PGM5: variants seen among roughly 807,000 people sequenced by gnomAD.
PGM5 encodes the protein phosphoglucomutase 5, also known as phosphoglucomutase-like protein 5.
PGM5 carries 23 observed loss-of-function variants against 59.2 expected under a neutral mutation model. The observed-to-expected ratio is 0.39, with a 90% CI of 0.28 to 0.55. PGM5 has a LOEUF of 0.55. PGM5 is among the 20% of genes least tolerant of loss of function. The pLI, the probability that PGM5 is intolerant of heterozygous loss-of-function variation, is 0.66. For missense variants in PGM5, 574 were observed against 748.3 expected, an observed-to-expected ratio of 0.77 and a Z score of 2.72; for synonymous variants, 214 against 286.0, an observed-to-expected ratio of 0.75 and a Z score of 2.54.
Position 68,404,370 on chromosome 9 carries a change from C to G in PGM5, c.1043+11897C>G, listed in dbSNP as rs567872146. On this transcript the variant is annotated intron_variant, in intron 6 of 10. Transcript: ENST00000396396. ...TTTTTAACTCCTGGCCTCAAGTGAT[C>G]CACCCACCTTGGCTTCCCAAAGTGC... Among the ~76,000 whole-genome samples, 45 of 152,288 alleles carry G rather than the reference C, an allele frequency of 3.0e-4. 1 individual carries two copies. Among genetic ancestry groups the G allele is most frequent in the African/African-American group, 1.1e-3 (44 of 41,560 alleles).
rs142219409 is a variant in PGM5, at chr9:68,469,635, G to A, written c.1159+4427G>A. ...TCTTTCCAGTCTTTTGAGGTTTGCTGGATGCTTCCATGCATGGATTCCATG... is the reference window on the plus strand; with the variant it reads ...TCTTTCCAGTCTTTTGAGGTTTGCTAGATGCTTCCATGCATGGATTCCATG... On this transcript the variant is annotated intron_variant, in intron 7 of 10. Transcript: ENST00000396396. Among the ~76,000 whole-genome samples the A allele has an allele frequency of 2.0e-3, 299 of 152,288 alleles. No individual in the cohort carries two copies. The Middle Eastern group carries it at 0.02, about 10-fold the overall frequency.
chr9:68,422,167 T>G (rs1823141702), intron 6 of PGM5, among the ~76,000 whole-genome samples: 1 of 152,066 alleles, frequency 6.6e-6, no homozygotes, highest in Non-Finnish European at 1.5e-5. Context: ...ATAGACCAAG[T>G]AGCCAAGTAG....
At chr9:68,496,755 C>T (rs782260359) in intron 9 of PGM5, 1 of 152,130 alleles carries the variant, frequency 6.6e-6, no homozygotes, top group Admixed American at 6.5e-5. Context: ...TTTGTTATGA[C>T]CTGAATTCTT....
At chr9:68,510,740 G>T (rs960273268) in intron 10 of PGM5, among the ~76,000 whole-genome samples, 2 of 152,122 alleles carry the variant, frequency 1.3e-5, no homozygotes, top group East Asian at 3.9e-4. Flanking sequence ...CAAGGTGGTT[G>T]GGTTACACTT....
intron 6 of PGM5, among the ~76,000 whole-genome samples, chr9:68,409,797 G>A (rs1426270462): frequency 1.4e-5 from 2 of 142,322 alleles, no homozygotes; most frequent in Non-Finnish European, 3.1e-5. Context: ...AGTGGGTGCA[G>A]CCCACCAGCA....
chr9:68,501,620 G>A (rs532253282), intron 10 of PGM5, among the ~76,000 whole-genome samples: 1 of 152,320 alleles, frequency 6.6e-6, no homozygotes, highest in African/African-American at 2.4e-5. Context: ...ACCTGCTTGT[G>A]TTGCTTTCTC....
At chr9:68,460,097 A>G (rs1243926349) in intron 6 of PGM5, among the ~76,000 whole-genome samples, 5 of 152,150 alleles carry the variant, frequency 3.3e-5, no homozygotes, top group African/African-American at 9.7e-5. Context: ...TGCTCTTTAA[A>G]TCTATCACAA....
intron 6 of PGM5, among the ~76,000 whole-genome samples, chr9:68,430,392 A>C (rs1231627348): frequency 3.3e-5 from 5 of 152,272 alleles, no homozygotes; most frequent in African/African-American, 4.8e-5. Context: ...GCTTTCCACA[A>C]TGTTTATTCT....
intron 1 of PGM5, among the ~76,000 whole-genome samples, chr9:68,374,038 G>A (rs1395159257): frequency 6.6e-6 from 1 of 152,300 alleles, no homozygotes; most frequent in African/African-American, 2.4e-5. Flanking sequence ...CTAGATGCAA[G>A]GGTGGGTTGG....
chr9:68,523,689 C>T (rs540218724), intron 10 of PGM5, among the ~76,000 whole-genome samples: 1 of 152,090 alleles, frequency 6.6e-6, no homozygotes, highest in South Asian at 2.1e-4. Flanking sequence ...GTTTGTATTG[C>T]CTGCCCCGAA....
At chr9:68,442,338 G>A (rs973056585) in intron 6 of PGM5, among the ~76,000 whole-genome samples, 11 of 152,112 alleles carry the variant, frequency 7.2e-5, no homozygotes, top group African/African-American at 2.4e-4. Flanking sequence ...GGGCTGGAGT[G>A]CAATGGCACC....
At chr9:68,511,287 G>A (rs1564026086) in intron 10 of PGM5, among the ~76,000 whole-genome samples, 2 of 152,182 alleles carry the variant, frequency 1.3e-5, no homozygotes, top group Admixed American at 6.5e-5. Context: ...CTGCTACAAA[G>A]AGTCTGTTCT....
At position 68,530,460 on chromosome 9, in the gene PGM5, C is replaced by T. The variant is rs1825062279; in HGVS notation, c.*804C>T. ...TTTGGAGGGGATCCTTCCTTGATTA[C>T]ATCAAGTATGTTGGTACATGGGTTT... On this transcript the variant is annotated 3_prime_UTR_variant, in exon 11 of 11. Coordinates refer to ENST00000396396, the MANE Select transcript of PGM5 (RefSeq NM_021965.4). The T allele has an allele frequency of 6.6e-6, 1 of 152,236 alleles. No individual in the cohort carries two copies. Among genetic ancestry groups the T allele is most frequent in the African/African-American group, 2.4e-5 (1 of 41,452 alleles). The allele number at this position is 152,236 out of a possible 1,614,324, so 9.4% of individuals were successfully genotyped here.
At chr9:68,527,414 G>A (rs756889894) in intron 10 of PGM5, among the ~76,000 whole-genome samples, 2 of 152,174 alleles carry the variant, frequency 1.3e-5, no homozygotes, top group Admixed American at 6.5e-5. Flanking sequence ...TTTGATAGGT[G>A]TTAATGAAGA....
intron 4 of PGM5, among the ~76,000 whole-genome samples, chr9:68,390,831 T>C (rs1822345940): frequency 6.6e-6 from 1 of 152,166 alleles, no homozygotes; most frequent in Admixed American, 6.6e-5. Flanking sequence ...GGTTATTGCT[T>C]CTCTGAAGCC....
At chr9:68,442,361 T>C (rs1461160329) in intron 6 of PGM5, among the ~76,000 whole-genome samples, 7 of 152,216 alleles carry the variant, frequency 4.6e-5, no homozygotes, top group Non-Finnish European at 1.0e-4. Flanking sequence ...GTTGGATCAC[T>C]GCAACCTCCA....
chr9:68,375,361 T>C (rs1345033798), intron 1 of PGM5, among the ~76,000 whole-genome samples: 1 of 152,224 alleles, frequency 6.6e-6, no homozygotes, highest in Non-Finnish European at 1.5e-5. Context: ...CTCTCTTCAA[T>C]ATTCCAGTCC....
At chr9:68,410,829 A>G (rs1822916491) in intron 6 of PGM5, among the ~76,000 whole-genome samples, 1 of 152,184 alleles carries the variant, frequency 6.6e-6, no homozygotes, top group Non-Finnish European at 1.5e-5. Context: ...AATGACATAA[A>G]CAACAAGGAA....
intron 6 of PGM5, among the ~76,000 whole-genome samples, chr9:68,409,723 T>G (rs1386104309): frequency 4.4e-5 from 4 of 91,590 alleles, no homozygotes; most frequent in African/African-American, 1.7e-4. Flanking sequence ...TGGGGACTGT[T>G]GTGGGGTGGG....
Sources: gnomAD v4.1 joint callset for allele counts (sites outside exome capture counted in the v4.1 genomes callset) on GRCh38, gnomAD v4.1.1 for gene constraint, MANE v1.5 for transcripts, NCBI Gene and HGNC (gene_info 2026-07-23, HGNC 2026-07-21) for gene names.